The following AHCTF1 variants were observed in gnomAD, a reference collection of about 807,000 sequenced individuals.
The protein encoded by AHCTF1 is AT-hook containing transcription factor 1.
AHCTF1 carries 24 observed loss-of-function variants against 248.4 expected under a neutral mutation model. The observed-to-expected ratio is 0.10, with a 90% CI of 0.07 to 0.14. The LOEUF is 0.14. Among genes scored for constraint, AHCTF1 ranks in the 10% least tolerant of loss-of-function variants. The pLI, the probability that AHCTF1 is intolerant of heterozygous loss-of-function variation, is 1.00. For missense variants in AHCTF1, 2,206 were observed against 2,636.2 expected (o/e 0.84, Z 3.57); for synonymous variants, 786 against 929.8 (o/e 0.85, Z 2.81).
Position 246,839,801 on chromosome 1 carries a change from A to C in AHCTF1, c.*1005T>G, listed in dbSNP as rs1003054599. ...TTGATGAGTGTTAGAGCCTACATCA[A>C]GTACCATTGCTTAATTGCACACAGT... On this transcript the variant is annotated 3_prime_UTR_variant, in exon 36 of 36. Transcript: ENST00000648844. 1 of 153,266 alleles carries C rather than the reference A, an allele frequency of 6.5e-6. No homozygotes were observed. The highest frequency in any genetic ancestry group is 1.5e-5 in the Non-Finnish European group (1 of 68,604). The allele number at this position is 153,266 out of a possible 1,614,324, so 9.5% of individuals were successfully genotyped here.
At chr1:246,847,325 G>C (rs1006945399) in intron 33 of AHCTF1, among the ~76,000 whole-genome samples, 6 of 151,178 alleles carry the variant, frequency 4.0e-5, no homozygotes. Context: ...AACTGAAAAT[G>C]CTCATGACAT....
intron 17 of AHCTF1, 120 bp from the exon 18 acceptor site, chr1:246,888,637 G>T: frequency 8.0e-7 from 1 of 1,252,984 alleles, no homozygotes; most frequent in Non-Finnish European, 1.1e-6. Flanking sequence ...GGCTGGGCAT[G>T]GTGGCTTATG....
At chr1:246,845,685 T>TAA (rs1660207510) in intron 33 of AHCTF1, among the ~76,000 whole-genome samples, 1 of 152,232 alleles carries the variant, frequency 6.6e-6, no homozygotes. Flanking sequence ...GCTTCTATTA[T>TAA]AGCACAGATG....
intron 1 of AHCTF1, among the ~76,000 whole-genome samples, chr1:246,921,579 T>C (rs1044346907): frequency 1.7e-4 from 26 of 152,038 alleles, no homozygotes; most frequent in Admixed American, 5.2e-4. Context: ...CCCAAAAATA[T>C]AGTACTAATA....
intron 30 of AHCTF1, among the ~76,000 whole-genome samples, 174 bp downstream of exon 30, chr1:246,857,517 T>C (rs1572371655): frequency 6.6e-6 from 1 of 152,204 alleles, no homozygotes; most frequent in Admixed American, 6.5e-5. Context: ...TTATAGTAAC[T>C]ACTAAATGAC....
chr1:246,877,404 C>A (rs1432880691), intron 21 of AHCTF1, 102 bp from the exon 22 acceptor site: 2 of 1,245,790 alleles, frequency 1.6e-6, no homozygotes, highest in Non-Finnish European at 2.1e-6. Context: ...TGTAAAGTAT[C>A]TTTATAAATA....
intron 24 of AHCTF1, among the ~76,000 whole-genome samples, chr1:246,873,230 T>C (rs918915055): frequency 4.6e-5 from 7 of 152,198 alleles, no homozygotes; most frequent in Admixed American, 3.9e-4. Flanking sequence ...CTATACTCAT[T>C]ACTCTTCTGT....
At chr1:246,923,911 C>A (rs1040848108) in intron 1 of AHCTF1, among the ~76,000 whole-genome samples, 1 of 152,188 alleles carries the variant, frequency 6.6e-6, no homozygotes, top group South Asian at 2.1e-4. Context: ...TAACTACATA[C>A]TATGCCACAG....
At chr1:246,849,000 A>T (rs1660495427) in intron 33 of AHCTF1, among the ~76,000 whole-genome samples, 1 of 152,122 alleles carries the variant, frequency 6.6e-6, no homozygotes, top group Admixed American at 6.5e-5. Flanking sequence ...ATTACTGCAG[A>T]TATATTGTAT....
At chr1:246,881,574 T>C (rs1239439227) in intron 21 of AHCTF1, among the ~76,000 whole-genome samples, 2 of 152,084 alleles carry the variant, frequency 1.3e-5, no homozygotes, top group Non-Finnish European at 2.9e-5. Context: ...AGGAGGTTCA[T>C]ACCTGTAATC....
chr1:246,911,116 C>T (rs1235595857), intron 4 of AHCTF1, among the ~76,000 whole-genome samples: 1 of 152,168 alleles, frequency 6.6e-6, no homozygotes, highest in Non-Finnish European at 1.5e-5. Flanking sequence ...TGATCACAAT[C>T]CAGAGACTTT....
At chr1:246,924,706 C>G (rs1666813644) in intron 1 of AHCTF1, among the ~76,000 whole-genome samples, 1 of 152,152 alleles carries the variant, frequency 6.6e-6, no homozygotes, top group Non-Finnish European at 1.5e-5. Context: ...TAAATGCTAT[C>G]TCCTAGACAA....
chr1:246,917,190 C>A (rs946372366), intron 2 of AHCTF1, among the ~76,000 whole-genome samples: 4 of 152,030 alleles, frequency 2.6e-5, no homozygotes, highest in African/African-American at 9.7e-5. Context: ...GCTAGGTGAC[C>A]GAATAGAGAA....
chr1:246,871,362 C>A (rs1345961271), intron 24 of AHCTF1, among the ~76,000 whole-genome samples: 1 of 152,170 alleles, frequency 6.6e-6, no homozygotes, highest in Non-Finnish European at 1.5e-5. Context: ...CAAGGTGTGC[C>A]AGATCCTTAC....
rs527946192 is a variant in AHCTF1 at position 246,864,490 on chromosome 1, T to C, written c.3348-374A>G. On this transcript the variant is annotated intron_variant, in intron 26 of 35. Transcript: ENST00000648844. ...TCCCTGGCAATCTATTTACTAAAAT[T>C]CATTAACATGCAAAATATCCATTCA... 1.6e-4 allele frequency among the ~76,000 whole-genome samples: 24 copies of C among 152,316 alleles called. No homozygotes were observed. The Middle Eastern group carries it at 0.01, about 65-fold the overall frequency.
chr1:246,860,327 C>T (rs141067633), intron 29 of AHCTF1, among the ~76,000 whole-genome samples: 21 of 152,270 alleles, frequency 1.4e-4, no homozygotes, highest in African/African-American at 4.8e-4. Flanking sequence ...CTCATAGCTA[C>T]TGGAAGGACT....
At chr1:246,903,244 T>C (rs767815388) in intron 7 of AHCTF1, among the ~76,000 whole-genome samples, 2 of 152,128 alleles carry the variant, frequency 1.3e-5, no homozygotes, top group Non-Finnish European at 2.9e-5. Context: ...CCCTCCGATC[T>C]CCTCAGGAAT....
At chr1:246,855,668 G>C (rs1661060881) in intron 31 of AHCTF1, 62 bp downstream of exon 31, 3 of 1,309,188 alleles carry the variant, frequency 2.3e-6, no homozygotes, top group Non-Finnish European at 3.2e-6. Context: ...TCTAAGAACA[G>C]AAAACTCTTC....
chr1:246,846,704 T>TA (rs1367558273), intron 33 of AHCTF1, among the ~76,000 whole-genome samples: 3 of 151,862 alleles, frequency 2.0e-5, no homozygotes, highest in Non-Finnish European at 4.4e-5. Context: ...AAAGAAATAT[T>TA]ACGTTTAAGA....
Sources: allele counts gnomAD v4.1 joint callset (sites outside exome capture counted in the v4.1 genomes callset), GRCh38; gene constraint gnomAD v4.1.1; transcripts MANE v1.5; gene names NCBI Gene and HGNC (gene_info 2026-07-23, HGNC 2026-07-21).